APP: variants seen among roughly 807,000 people sequenced by gnomAD.
APP encodes the protein amyloid beta precursor protein, also known as amyloid-beta precursor protein.
Under a neutral mutation model 101.4 loss-of-function variants are expected in APP, and 31 were observed. The observed-to-expected ratio is 0.31, with a 90% CI of 0.23 to 0.41. The LOEUF (loss-of-function observed/expected upper bound fraction) is 0.41. Ranked by LOEUF, APP falls within the 10% of genes least tolerant of loss-of-function variation. The pLI is 1.00. For missense variants in APP, 839 were observed against 1,003.7 expected (o/e 0.84, Z 2.22); for synonymous variants, 366 against 364.4 (o/e 1.00, Z -0.05).
intron 13 of APP, among the ~76,000 whole-genome samples, chr21:25,946,213 A>C (rs2146453161): frequency 6.6e-6 from 1 of 152,304 alleles, no homozygotes; most frequent in Non-Finnish European, 1.5e-5. Flanking sequence ...AAAAGAAAAA[A>C]CTGATAAAAT....
At chr21:26,108,119 C>T (rs1018767065) in intron 2 of APP, among the ~76,000 whole-genome samples, 2 of 152,078 alleles carry the variant, frequency 1.3e-5, no homozygotes, top group African/African-American at 4.8e-5. Flanking sequence ...ACTGGTGGCT[C>T]GGGATAGCAC....
chr21:26,060,306 C>T (rs73896818), intron 3 of APP, among the ~76,000 whole-genome samples: 1,896 of 152,230 alleles, frequency 0.012, 43 homozygotes, highest in African/African-American at 0.043. Context: ...TACATGACAG[C>T]AATCAACACA....
At chr21:25,928,798 G>C (rs2040012923) in intron 13 of APP, 1 of 147,892 alleles carries the variant, frequency 6.8e-6, no homozygotes, top group South Asian at 2.1e-4. Flanking sequence ...TCTGTCACCA[G>C]GTTGGACTGC....
intron 3 of APP, among the ~76,000 whole-genome samples, chr21:26,071,452 G>A (rs910366191): frequency 1.3e-5 from 2 of 152,152 alleles, no homozygotes; most frequent in Non-Finnish European, 2.9e-5. Context: ...AGGTCCTGCC[G>A]CACACAGAAG....
intron 6 of APP, among the ~76,000 whole-genome samples, chr21:26,000,961 CTG>C (rs1178742132): frequency 5.3e-5 from 8 of 151,616 alleles, no homozygotes; most frequent in African/African-American, 1.7e-4. Flanking sequence ...TATTAAAAAT[CTG>C]TATTATTTGT....
At chr21:26,099,785 G>A (rs1044227615) in intron 2 of APP, among the ~76,000 whole-genome samples, 8 of 152,196 alleles carry the variant, frequency 5.3e-5, no homozygotes, top group African/African-American at 1.9e-4. Context: ...GCGCTGAGAG[G>A]CAGCGTGCAG....
chr21:26,162,635 G>T (rs2063515176), intron 1 of APP, among the ~76,000 whole-genome samples: 1 of 151,692 alleles, frequency 6.6e-6, no homozygotes, highest in South Asian at 2.1e-4. Context: ...TCTCCAGGGG[G>T]TCAAAATATA....
chr21:26,155,797 C>A (rs2063363259), intron 1 of APP, among the ~76,000 whole-genome samples: 1 of 152,030 alleles, frequency 6.6e-6, no homozygotes, highest in African/African-American at 2.4e-5. Flanking sequence ...AGATCAAGAC[C>A]ATCCTGGCTA....
chr21:26,044,551 T>C (rs1314621739), intron 5 of APP, among the ~76,000 whole-genome samples: 1 of 152,212 alleles, frequency 6.6e-6, no homozygotes, highest in African/African-American at 2.4e-5. Flanking sequence ...TCTTTCTTTC[T>C]TTTTTGAGGT....
intron 11 of APP, 32 bp from the exon 12 acceptor site, chr21:25,955,787 A>G: frequency 6.2e-7 from 1 of 1,613,776 alleles, no homozygotes; most frequent in Non-Finnish European, 8.5e-7. Context: ...CTCTTTTTCA[A>G]GTTTGTGCAA....
chr21:26,006,831 C>T (rs187554702), intron 6 of APP, among the ~76,000 whole-genome samples: 29 of 152,112 alleles, frequency 1.9e-4, no homozygotes, highest in Admixed American at 5.2e-4. Context: ...GCAAATAATT[C>T]GCTGTAAATA....
chr21:25,886,895 A>C (rs536437276), intron 17 of APP, among the ~76,000 whole-genome samples: 2 of 152,302 alleles, frequency 1.3e-5, no homozygotes, highest in Middle Eastern at 3.4e-3. Flanking sequence ...CCGGGAAGAA[A>C]GGACCTCTAA....
chr21:25,975,015 C>T (rs2042171260), intron 11 of APP, 55 bp downstream of exon 11: 2 of 1,610,624 alleles, frequency 1.2e-6, no homozygotes, highest in Admixed American at 1.7e-5. Flanking sequence ...CAGTGCCCCA[C>T]CCTTACTGTC....
At chr21:25,970,068 G>C (rs1160230327) in intron 11 of APP, among the ~76,000 whole-genome samples, 1 of 151,870 alleles carries the variant, frequency 6.6e-6, no homozygotes, top group Non-Finnish European at 1.5e-5. Context: ...AATTTAACAG[G>C]AATCCTTAGA....
At chr21:25,905,617 A>G (rs776794388) in intron 14 of APP, among the ~76,000 whole-genome samples, 30 of 152,242 alleles carry the variant, frequency 2.0e-4, no homozygotes, top group Non-Finnish European at 4.3e-4. Context: ...TGTCCTTAGT[A>G]TGAGGGCAGA....
chr21:25,971,577 A>T (rs2042035001), intron 11 of APP, among the ~76,000 whole-genome samples: 1 of 152,218 alleles, frequency 6.6e-6, no homozygotes, highest in African/African-American at 2.4e-5. Context: ...GTGAGGAGAG[A>T]GTTGCTCCAA....
At chr21:25,934,186 A>G (rs932293676) in intron 13 of APP, 2 of 152,226 alleles carry the variant, frequency 1.3e-5, no homozygotes, top group African/African-American at 4.8e-5. Context: ...AGAGCAAGCG[A>G]AAGGCATGAA....
chr21:26,055,604 C>T (rs1436114596), intron 3 of APP, among the ~76,000 whole-genome samples: 1 of 152,106 alleles, frequency 6.6e-6, no homozygotes, highest in Non-Finnish European at 1.5e-5. Flanking sequence ...CTGAGGCATC[C>T]CAATTTTCTA....
At chr21:25,887,603 G>A (rs1479439013) in intron 17 of APP, among the ~76,000 whole-genome samples, 1 of 151,442 alleles carries the variant, frequency 6.6e-6, no homozygotes, top group Non-Finnish European at 1.5e-5. Flanking sequence ...TACAGTTATG[G>A]GCCACATAAT....
Sources: gnomAD v4.1 joint callset for allele counts (sites outside exome capture counted in the v4.1 genomes callset) on GRCh38, gnomAD v4.1.1 for gene constraint, MANE v1.5 for transcripts, NCBI Gene and HGNC (gene_info 2026-07-23, HGNC 2026-07-21) for gene names.